Variants in TENM4 observed in about 807,000 individuals in gnomAD.
TENM4 encodes the protein teneurin-4.
TENM4 carries 82 observed loss-of-function variants against 243.3 expected under a neutral mutation model. The ratio of observed to expected loss-of-function variants is 0.34; its 90% CI spans 0.28 to 0.40. The LOEUF (loss-of-function observed/expected upper bound fraction) is 0.40, where lower values mean the gene tolerates loss of function less well. Ranked by LOEUF, TENM4 falls within the 10% of genes least tolerant of loss-of-function variation. The pLI is 1.00. For missense variants in TENM4, 3,138 were observed against 3,673.3 expected, an observed-to-expected ratio of 0.85 and a Z score of 3.77; for synonymous variants, 1,412 against 1,456.3, an observed-to-expected ratio of 0.97 and a Z score of 0.69.
At position 78,863,069 on chromosome 11, in the gene TENM4, G is replaced by A. The variant is rs1190544356; in HGVS notation, c.1148C>T (p.Thr383Met). 1.4e-5 allele frequency: 21 copies of A among 1,535,938 alleles called. No homozygotes were observed. Among genetic ancestry groups the A allele is most frequent in the Admixed American group, 4.0e-5 (2 of 50,566 alleles). ...QPMEGQMYEITEDTASSWPVP... is the reference protein window; with the variant it reads ...QPMEGQMYEIMEDTASSWPVP... ...AGGCCAACTGCTGGCTGTGTCCTCCGTGATCTCATACATCTGCCCCTCCAT... is the reference window on the plus strand; with the variant it reads ...AGGCCAACTGCTGGCTGTGTCCTCCATGATCTCATACATCTGCCCCTCCAT... The change falls in exon 10 of 34, where the codon ACG becomes ATG. Residue 383 changes from threonine (T) to methionine (M), a missense_variant. This residue lies in a region of TENM4 where 671 missense variants were observed against 614.1 expected (regional missense o/e 1.09). Coordinates refer to ENST00000278550, the MANE Select transcript of TENM4 (RefSeq NM_001098816.3).
chr11:79,227,450 ACT>A (rs1217650776), intron 2 of TENM4, among the ~76,000 whole-genome samples: 20 of 152,104 alleles, frequency 1.3e-4, no homozygotes, highest in African/African-American at 4.1e-4. Context: ...GCTGAGAAAG[ACT>A]CTGCAGGCAG....
chr11:78,819,756 T>C (rs1023847880), intron 12 of TENM4, among the ~76,000 whole-genome samples: 1 of 152,254 alleles, frequency 6.6e-6, no homozygotes, highest in Admixed American at 6.5e-5. Context: ...CCTTGTGATA[T>C]GTCCAGGCTA....
intron 17 of TENM4, among the ~76,000 whole-genome samples, chr11:78,776,003 T>C (rs548534073): frequency 2.0e-5 from 3 of 152,220 alleles, no homozygotes; most frequent in Admixed American, 6.5e-5. Context: ...ACTTATCATA[T>C]ATCAAATGGC....
intron 3 of TENM4, among the ~76,000 whole-genome samples, chr11:79,191,349 C>T (rs201349987): frequency 0.08 from 11,330 of 142,438 alleles, 821 homozygotes; most frequent in East Asian, 0.39. Flanking sequence ...GACTGGTCTC[C>T]AGCTCCTAGC....
At chr11:78,860,427 A>G (rs1858789601) in intron 10 of TENM4, among the ~76,000 whole-genome samples, 1 of 152,172 alleles carries the variant, frequency 6.6e-6, no homozygotes, top group African/African-American at 2.4e-5. Flanking sequence ...AGGCCCATTT[A>G]CCCCTTTCTA....
chr11:79,373,725 G>A (rs1273023354), intron 1 of TENM4, among the ~76,000 whole-genome samples: 1 of 152,142 alleles, frequency 6.6e-6, no homozygotes, highest in Non-Finnish European at 1.5e-5. Context: ...AACATATGGT[G>A]AGGTAGTTGA....
chr11:79,087,616 G>A (rs1860838843), intron 4 of TENM4, among the ~76,000 whole-genome samples: 1 of 152,198 alleles, frequency 6.6e-6, no homozygotes, highest in Admixed American at 6.5e-5. Context: ...GGGCCCAGTC[G>A]CATGTTCCTT....
At chr11:78,770,969 G>T in intron 18 of TENM4, 23 bp downstream of exon 18, 2 of 1,570,478 alleles carry the variant, frequency 1.3e-6, no homozygotes, top group Non-Finnish European at 8.6e-7. Context: ...GCCGCCTGGA[G>T]CCCATGGGTG....
In TENM4 at chr11:79,415,042, C is replaced by A. The variant is rs534688275; in HGVS notation, c.-321+25467G>T. Among the ~76,000 whole-genome samples the A allele has an allele frequency of 5.3e-5, 8 of 152,316 alleles. No individual in the cohort carries two copies. In the South Asian group the frequency reaches 1.4e-3, roughly 28 times the overall value. On this transcript the variant is annotated intron_variant, in intron 1 of 33. Transcript: ENST00000278550. Reference sequence around the variant, plus strand: ...GGAGGCCGGTTCCCTCTTCACCCCACCACTTTGCAGCCCTGGACAAGGCAC... The same window carrying A: ...GGAGGCCGGTTCCCTCTTCACCCCAACACTTTGCAGCCCTGGACAAGGCAC...
At chr11:79,153,825 C>T (rs1448388328) in intron 3 of TENM4, among the ~76,000 whole-genome samples, 3 of 152,050 alleles carry the variant, frequency 2.0e-5, no homozygotes, top group Admixed American at 2.0e-4. Flanking sequence ...GATTCTTCAA[C>T]CAGCCCCTGA....
At chr11:79,380,646 A>T (rs1857982443) in intron 1 of TENM4, among the ~76,000 whole-genome samples, 1 of 152,332 alleles carries the variant, frequency 6.6e-6, no homozygotes, top group Admixed American at 6.5e-5. Flanking sequence ...GCACACTGTG[A>T]ACCTCCAAGA....
chr11:78,923,818 G>T (rs1023814656), intron 6 of TENM4, among the ~76,000 whole-genome samples: 3 of 142,564 alleles, frequency 2.1e-5, no homozygotes, highest in Non-Finnish European at 3.0e-5. Context: ...AGGATTACAA[G>T]CATGAGCCAC....
intron 11 of TENM4, among the ~76,000 whole-genome samples, 181 bp downstream of exon 11, chr11:78,855,783 C>T (rs1251948053): frequency 3.3e-5 from 5 of 152,164 alleles, no homozygotes; most frequent in African/African-American, 1.2e-4. Flanking sequence ...TAGAAAGCCC[C>T]AGTGATATAA....
intron 12 of TENM4, among the ~76,000 whole-genome samples, chr11:78,817,867 C>T (rs373002879): frequency 4.6e-5 from 7 of 152,208 alleles, no homozygotes; most frequent in South Asian, 4.2e-4. Flanking sequence ...TCCTACCGTA[C>T]GTTCCTGCTT....
At chr11:79,260,627 C>T (rs1316890658) in intron 2 of TENM4, among the ~76,000 whole-genome samples, 5 of 152,234 alleles carry the variant, frequency 3.3e-5, no homozygotes, top group East Asian at 1.9e-4. Flanking sequence ...GCCCAGTATG[C>T]GGTAGAGGGA....
chr11:79,410,436 C>A (rs550459270), intron 1 of TENM4, among the ~76,000 whole-genome samples: 11 of 152,336 alleles, frequency 7.2e-5, no homozygotes, highest in African/African-American at 2.6e-4. Context: ...ATCCCCATCA[C>A]CTAGAACTGT....
chr11:79,416,782 T>C (rs936786194), intron 1 of TENM4, among the ~76,000 whole-genome samples: 4 of 152,194 alleles, frequency 2.6e-5, no homozygotes, highest in African/African-American at 7.2e-5. Flanking sequence ...CTCCAAATCC[T>C]GTAGGGTATG....
intron 4 of TENM4, among the ~76,000 whole-genome samples, chr11:79,106,065 C>T (rs886444124): frequency 1.7e-4 from 26 of 152,356 alleles, no homozygotes; most frequent in Admixed American, 1.6e-3. Context: ...TAATGTCTCA[C>T]ACATGCTCTC....
intron 14 of TENM4, among the ~76,000 whole-genome samples, chr11:78,805,926 T>G (rs912272781): frequency 2.6e-5 from 4 of 152,238 alleles, no homozygotes; most frequent in African/African-American, 9.6e-5. Context: ...AATGATAATT[T>G]ATTTTTAATT....
Sources: gnomAD v4.1 joint callset for allele counts (sites outside exome capture counted in the v4.1 genomes callset) on GRCh38, gnomAD v4.1.1 for gene constraint, gnomAD v4.1.1 regional missense constraint, MANE v1.5 for transcripts, NCBI Gene and HGNC (gene_info 2026-07-23, HGNC 2026-07-21) for gene names.